ADH4: variants seen among roughly 807,000 people sequenced by gnomAD.
The protein encoded by ADH4 is all-trans-retinol dehydrogenase [NAD(+)] ADH4.
ADH4 carries 31 observed loss-of-function variants against 35.2 expected under a neutral mutation model. That is an observed-to-expected ratio of 0.88 (90% CI 0.66 to 1.19). ADH4 has a LOEUF of 1.19. Ranked by LOEUF, ADH4 falls within the 50% of genes most tolerant of loss-of-function variation. ADH4 has a pLI of 0.00. For missense variants in ADH4, 476 were observed against 458.3 expected (o/e 1.04, Z -0.35); for synonymous variants, 171 against 160.2 (o/e 1.07, Z -0.51).
At chr4:99,126,768 C>T (rs757103836) in intron 7 of ADH4, 36 bp from the exon 8 acceptor site, 3 of 1,559,038 alleles carry the variant, frequency 1.9e-6, no homozygotes, top group African/African-American at 2.7e-5. Context: ...AAAGACATGG[C>T]ACTTGACACG....
Position 99,136,592 on chromosome 4 carries a change from G to C in ADH4, c.456C>G (p.Phe152Leu). Reference sequence around the variant, plus strand: ...TATCTGACACCACAGTGTACTGAGAGAATGTACTGGTTCCAAAGAAATGGT... The same window carrying C: ...TATCTGACACCACAGTGTACTGAGACAATGTACTGGTTCCAAAGAAATGGT... ...PVYHFFGTST[F>L]SQYTVVSDIN... Residue 152 changes from phenylalanine to leucine, a missense_variant, in exon 5 of 9, where the codon TTC becomes TTG. Phe to Leu is a conservative substitution (Grantham distance 22, BLOSUM62 0). Transcript: ENST00000265512. The C allele has an allele frequency of 5.0e-6, 8 of 1,614,056 alleles. No homozygotes were observed. The highest frequency in any genetic ancestry group is 5.1e-6 in the Non-Finnish European group (6 of 1,179,922).
chr4:99,140,657 CAGT>C (rs929117025), intron 3 of ADH4, among the ~76,000 whole-genome samples: 4 of 151,758 alleles, frequency 2.6e-5, no homozygotes, highest in Non-Finnish European at 4.4e-5. Flanking sequence ...CACCTGAGGT[CAGT>C]AGTTCGAGAC....
intron 5 of ADH4, among the ~76,000 whole-genome samples, chr4:99,134,165 G>C (rs762509576): frequency 6.6e-6 from 1 of 152,130 alleles, no homozygotes; most frequent in African/African-American, 2.4e-5. Context: ...GATAAATGAC[G>C]AATAGGAGGA....
rs1201987957 is a variant in ADH4 at position 99,131,718 on chromosome 4, C to T, written c.629G>A (p.Gly210Asp). Residue 210 changes from glycine to aspartate, a missense_variant, in exon 6 of 9, where the codon GGT (glycine) becomes GAT (aspartate). Coordinates refer to ENST00000265512, the MANE Select transcript of ADH4 (RefSeq NM_000670.5). ...TCAVFGLGGV[G>D]LSAVMGCKAA... ...TTTACAACCCATTACAGCAGAAAGACCCACACCTCCTAGGCCAAAGACAGC... is the reference window on the plus strand; with the variant it reads ...TTTACAACCCATTACAGCAGAAAGATCCACACCTCCTAGGCCAAAGACAGC... 1 of 1,614,120 alleles carries T rather than the reference C, an allele frequency of 6.2e-7. No individual in the cohort carries two copies. Among genetic ancestry groups the T allele is most frequent in the South Asian group, 1.1e-5 (1 of 91,084 alleles).
At chr4:99,139,934 A>G (rs1269024330) in intron 3 of ADH4, among the ~76,000 whole-genome samples, 1 of 152,194 alleles carries the variant, frequency 6.6e-6, no homozygotes, top group Non-Finnish European at 1.5e-5. Context: ...CTTTTTTGGA[A>G]TGGAAAGATA....
intron 2 of ADH4, 118 bp from the exon 3 acceptor site, chr4:99,141,800 TAAAAGAATCACCTTTTGAA>T (rs1363994514): frequency 4.4e-6 from 4 of 902,876 alleles, no homozygotes; most frequent in Non-Finnish European, 6.3e-6. Context: ...TAGAACTCAA[TAAAAGAATCACCTTTTGAA>T]AAAAGAACCA....
At chr4:99,131,229 A>G (rs934121500) in intron 6 of ADH4, among the ~76,000 whole-genome samples, 1 of 152,208 alleles carries the variant, frequency 6.6e-6, no homozygotes, top group Non-Finnish European at 1.5e-5. Flanking sequence ...CAAAAGAAAA[A>G]TCAGCATCTA....
chr4:99,126,546 T>A, intron 8 of ADH4, 48 bp downstream of exon 8: 2 of 1,526,252 alleles, frequency 1.3e-6, no homozygotes, highest in South Asian at 1.3e-5. Context: ...GAAGATAGAA[T>A]CATTGTAAAC....
At chr4:99,133,630 C>A (rs1430481126) in intron 5 of ADH4, 2 of 127,114 alleles carry the variant, frequency 1.6e-5, no homozygotes. Flanking sequence ...AAGAACAACT[C>A]CTGGAAATTT....
chr4:99,143,134 G>T, intron 1 of ADH4: 1 of 701,362 alleles, frequency 1.4e-6, no homozygotes, highest in South Asian at 1.5e-5. Context: ...AAAATCTATT[G>T]AGTGAACTGT....
chr4:99,124,432 C>A lies in ADH4; in HGVS notation c.*10G>T. 1 of 1,491,280 alleles carries A rather than the reference C, an allele frequency of 6.7e-7. No homozygotes were observed. The highest frequency in any genetic ancestry group is 1.2e-5 in the South Asian group (1 of 82,812). 92.4% of individuals were successfully genotyped at this position (1,491,280 alleles called of 1,614,324 possible). ...CAATCAGATAGTATTCTGAATTGCT[C>A]CTGGCATCTTCAAAAGATGAGGATT... On this transcript the variant is annotated 3_prime_UTR_variant, in exon 9 of 9. Coordinates refer to ENST00000265512, the MANE Select transcript of ADH4 (RefSeq NM_000670.5).
chr4:99,139,538 A>G (rs746449384), intron 3 of ADH4, among the ~76,000 whole-genome samples: 1 of 152,152 alleles, frequency 6.6e-6, no homozygotes, highest in Non-Finnish European at 1.5e-5. Context: ...ACTTTATATC[A>G]TTGCTATGTT....
Position 99,136,620 on chromosome 4 carries a change from A to G in ADH4, c.428T>C (p.Val143Ala). ...TGTACTGGTTCCAAAGAAATGGTAA[A>G]CTGGTTTTCCTTTGCAGGTAAACCT... The part of the protein sequence containing the change: ...TSRFTCKGKP[V>A]YHFFGTSTFS... The change falls in exon 5 of 9, where the codon GTT (valine) becomes GCT (alanine). Residue 143 changes from valine (V) to alanine (A), a missense_variant. Val to Ala is a moderately conservative substitution (Grantham distance 64). Coordinates refer to ENST00000265512, the MANE Select transcript of ADH4 (RefSeq NM_000670.5). 6.2e-7 allele frequency: 1 copy of G among 1,614,102 alleles called. No homozygotes were observed. The highest frequency in any genetic ancestry group is 1.1e-5 in the South Asian group (1 of 91,086).
At chr4:99,132,302 A>T (rs1045643432) in intron 5 of ADH4, among the ~76,000 whole-genome samples, 1 of 152,138 alleles carries the variant, frequency 6.6e-6, no homozygotes, top group African/African-American at 2.4e-5. Context: ...CTGCGAACAG[A>T]TTGTTGCACT....
At chr4:99,144,151 A>G (rs1638376855) in intron 1 of ADH4, 54 bp downstream of exon 1, 3 of 1,601,236 alleles carry the variant, frequency 1.9e-6, no homozygotes, top group African/African-American at 1.3e-5. Flanking sequence ...TTAGCCAAAC[A>G]TACAAGGACA....
chr4:99,126,610 T>G lies in ADH4; in HGVS notation c.1102A>C (p.Met368Leu), dbSNP rs985500703. 6.2e-7 allele frequency: 1 copy of G among 1,607,428 alleles called. No homozygotes were observed. The stretch of plus-strand genomic sequence containing the variant: ...GTAATGTACCTTTTTCCTTGGTTCA[T>G]TAGGTCAAATGCCTCACTGATTTTG... ...FDKISEAFDLMNQGKSVRTIL... is the reference protein window; with the variant it reads ...FDKISEAFDLLNQGKSVRTIL... The change falls in exon 8 of 9, where the codon ATG (methionine) becomes CTG (leucine). Residue 368 changes from methionine to leucine, a missense_variant. By Grantham distance (15) the Met-to-Leu change is conservative. Coordinates refer to ENST00000265512, the MANE Select transcript of ADH4 (RefSeq NM_000670.5).
rs1015787026 is a variant in ADH4, at chr4:99,142,607, G to C, written c.120+72C>G. On this transcript the variant is annotated intron_variant, in intron 2 of 8. Transcript: ENST00000265512. ...AAGGCCTCTGAATCATAGCACAGAGGATTGACCTGACAGAAGCCAGGTCTC... is the reference window on the plus strand; with the variant it reads ...AAGGCCTCTGAATCATAGCACAGAGCATTGACCTGACAGAAGCCAGGTCTC... 3.2e-6 allele frequency: 3 copies of C among 940,854 alleles called. No individual in the cohort carries two copies. In the African/African-American group the frequency reaches 5.1e-5, roughly 16 times the overall value. 58.3% of individuals were successfully genotyped at this position (940,854 alleles called of 1,614,324 possible).
intron 1 of ADH4, among the ~76,000 whole-genome samples, 175 bp downstream of exon 1, chr4:99,144,030 T>C (rs1729722690): frequency 6.6e-6 from 1 of 152,210 alleles, no homozygotes; most frequent in Non-Finnish European, 1.5e-5. Context: ...AATAAACATT[T>C]TGGCAATCCA....
intron 1 of ADH4, 59 bp downstream of exon 1, chr4:99,144,146 C>T: frequency 6.3e-7 from 1 of 1,594,802 alleles, no homozygotes; most frequent in Non-Finnish European, 8.6e-7. Context: ...TCCTTTTAGC[C>T]AAACATACAA....
Sources: allele counts gnomAD v4.1 joint callset (sites outside exome capture counted in the v4.1 genomes callset), GRCh38; gene constraint gnomAD v4.1.1; transcripts MANE v1.5; gene names NCBI Gene and HGNC (gene_info 2026-07-23, HGNC 2026-07-21).